The following DENND5B variants were observed in gnomAD, a reference collection of about 807,000 sequenced individuals.
The protein encoded by DENND5B is DENN domain-containing protein 5B.
A neutral mutation model predicts 140.6 loss-of-function variants in DENND5B; 34 were observed. The ratio of observed to expected loss-of-function variants is 0.24; its 90% CI spans 0.18 to 0.32. The LOEUF (loss-of-function observed/expected upper bound fraction) is 0.32, where lower values mean the gene tolerates loss of function less well. Among genes scored for constraint, DENND5B ranks in the 10% least tolerant of loss-of-function variants. DENND5B has a pLI of 1.00. For missense variants in DENND5B, 1,142 were observed against 1,560.2 expected, an observed-to-expected ratio of 0.73 and a Z score of 4.52; for synonymous variants, 551 against 562.1, an observed-to-expected ratio of 0.98 and a Z score of 0.28.
intron 7 of DENND5B, among the ~76,000 whole-genome samples, chr12:31,434,228 A>C (rs1943641385): frequency 6.6e-6 from 1 of 151,988 alleles, no homozygotes; most frequent in South Asian, 2.1e-4. Context: ...GGCCTATAAA[A>C]CTCTTAAATA....
intron 1 of DENND5B, among the ~76,000 whole-genome samples, chr12:31,501,773 CA>C (rs10645598): frequency 6.3e-4 from 75 of 119,096 alleles, no homozygotes; most frequent in Non-Finnish European, 6.7e-4. Context: ...AACTCCATCT[CA>C]AAAAAAAAAA....
chr12:31,545,950 C>CAAAAAAAAAAAAAAAAA (rs57460264), intron 1 of DENND5B, among the ~76,000 whole-genome samples: 403 of 36,352 alleles, frequency 0.011, 47 homozygotes, highest in Non-Finnish European at 0.014. Context: ...GACACTGTCT[C>CAAAAAAAAAAAAAAAAA]AAAAAAAAAA....
chr12:31,550,941 C>T (rs1688023354), intron 1 of DENND5B, among the ~76,000 whole-genome samples: 1 of 152,012 alleles, frequency 6.6e-6, no homozygotes, highest in African/African-American at 2.4e-5. Context: ...TGTTTGAGTT[C>T]ATTGTAGATT....
chr12:31,482,569 T>C lies in DENND5B; in HGVS notation c.238-2314A>G, dbSNP rs144957571. Among the ~76,000 whole-genome samples, 193 of 152,276 alleles carry C rather than the reference T, an allele frequency of 1.3e-3. 2 individuals carry two copies. Among genetic ancestry groups the C allele is most frequent in the African/African-American group, 4.1e-3 (171 of 41,564 alleles). On this transcript the variant is annotated intron_variant, in intron 2 of 20. Transcript: ENST00000389082. Reference sequence around the variant, plus strand: ...AAAAATACATGCAGAAACTAATTGCTGTTGCTTCTTTTTTTTTTTCTTTTT... The same window carrying C: ...AAAAATACATGCAGAAACTAATTGCCGTTGCTTCTTTTTTTTTTTCTTTTT...
rs1943153126 is a variant in DENND5B at position 31,424,530 on chromosome 12, GT to G, written c.2391+4del. On this transcript the variant is annotated splice_donor_region_variant and intron_variant, in intron 10 of 20. Coordinates refer to ENST00000389082, the MANE Select transcript of DENND5B (RefSeq NM_144973.4). ...CATGTCACCAGGACCTCCTAAAACT[GT>G]TACCTGCTTGACCTGCAAGCCATGG... The G allele has an allele frequency of 6.2e-7, 1 of 1,612,002 alleles. No individual in the cohort carries two copies. The highest frequency in any genetic ancestry group is 1.7e-5 in the Admixed American group (1 of 59,636).
chr12:31,463,943 C>T (rs1359009144), intron 3 of DENND5B, among the ~76,000 whole-genome samples: 1 of 152,200 alleles, frequency 6.6e-6, no homozygotes, highest in South Asian at 2.1e-4. Context: ...GCTAAGATTA[C>T]AGGCGTGAGC....
chr12:31,464,991 G>A (rs1490343462), intron 3 of DENND5B: 1 of 151,954 alleles, frequency 6.6e-6, no homozygotes, highest in African/African-American at 2.4e-5. Flanking sequence ...TGAAATAAAA[G>A]TAGACATTAA....
intron 1 of DENND5B, among the ~76,000 whole-genome samples, chr12:31,566,082 T>G (rs1209737156): frequency 6.6e-6 from 1 of 152,098 alleles, no homozygotes; most frequent in African/African-American, 2.4e-5. Context: ...AAGGTGGAGA[T>G]GGCAGTGAGC....
intron 1 of DENND5B, among the ~76,000 whole-genome samples, chr12:31,529,701 A>AAAAT (rs918067396): frequency 2.0e-5 from 3 of 151,866 alleles, no homozygotes; most frequent in Non-Finnish European, 4.4e-5. Context: ...ACCCAGTCTC[A>AAAAT]AAATAAATAA....
At chr12:31,566,198 T>C (rs1949622906) in intron 1 of DENND5B, among the ~76,000 whole-genome samples, 1 of 152,102 alleles carries the variant, frequency 6.6e-6, no homozygotes, top group African/African-American at 2.4e-5. Flanking sequence ...TGCACACCTG[T>C]AGTTCCAGCA....
At position 31,470,594 on chromosome 12, in the gene DENND5B, G is replaced by A. The variant is rs866671258; in HGVS notation, c.904+8995C>T. Among the ~76,000 whole-genome samples, 4 of 152,254 alleles carry A rather than the reference G, an allele frequency of 2.6e-5. No homozygotes were observed. In the South Asian group the frequency reaches 8.3e-4, roughly 32 times the overall value. On this transcript the variant is annotated intron_variant, in intron 3 of 20. Transcript: ENST00000389082. ...ATTAACCAGCCTCAGGTATTTTACA[G>A]TAACACAAATAAACCAAGACACCTG... is the stretch of plus-strand genomic sequence containing the variant.
intron 6 of DENND5B, among the ~76,000 whole-genome samples, chr12:31,445,945 G>A (rs377639665): frequency 3.3e-5 from 5 of 151,280 alleles, no homozygotes; most frequent in African/African-American, 1.2e-4. Context: ...GGAAGTTGAG[G>A]CTGCAGTGAG....
At chr12:31,584,740 T>C (rs1480397926) in intron 1 of DENND5B, among the ~76,000 whole-genome samples, 2 of 152,078 alleles carry the variant, frequency 1.3e-5, no homozygotes, top group Non-Finnish European at 2.9e-5. Context: ...GGTGAAGGAC[T>C]GCTTGAGCCC....
At chr12:31,566,146 C>CA (rs928639294) in intron 1 of DENND5B, among the ~76,000 whole-genome samples, 5 of 151,320 alleles carry the variant, frequency 3.3e-5, no homozygotes, top group Non-Finnish European at 7.4e-5. Flanking sequence ...ACTCTTGTCT[C>CA]AAAAAAAATT....
chr12:31,403,061 T>A (rs989064870), intron 14 of DENND5B, among the ~76,000 whole-genome samples: 7 of 152,190 alleles, frequency 4.6e-5, no homozygotes, highest in African/African-American at 7.2e-5. Context: ...TGGTTTTATA[T>A]AAAAAGAGGG....
chr12:31,455,302 C>T (rs1944718744), intron 4 of DENND5B, among the ~76,000 whole-genome samples: 1 of 152,086 alleles, frequency 6.6e-6, no homozygotes, highest in African/African-American at 2.4e-5. Context: ...AATTTTAAAG[C>T]TTATTATGGT....
intron 14 of DENND5B, among the ~76,000 whole-genome samples, chr12:31,403,095 T>C (rs950012642): frequency 6.6e-6 from 1 of 152,222 alleles, no homozygotes; most frequent in Admixed American, 6.5e-5. Context: ...TGGACAGTAT[T>C]GAGTTTCTTG....
chr12:31,452,152 G>C lies in DENND5B; in HGVS notation c.1417C>G (p.Leu473Val). The change falls in exon 5 of 21, where the codon CTC (leucine) becomes GTC (valine). Residue 473 changes from leucine to valine, a missense_variant. Leu to Val is a conservative substitution (Grantham distance 32). Around this residue, in one of 5 missense-constraint regions of DENND5B, gnomAD observed 708 missense variants for 905.5 expected, o/e 0.78. Transcript: ENST00000389082. ...RTGVAVEKMD[L>V]SASLGEKDKD... ...TCTTTTTCACCCAGAGAAGCAGAGAGGTCCATTTTTTCCACAGCCACACCA... is the reference window on the plus strand; with the variant it reads ...TCTTTTTCACCCAGAGAAGCAGAGACGTCCATTTTTTCCACAGCCACACCA... 6.2e-7 allele frequency: 1 copy of C among 1,613,962 alleles called. No homozygotes were observed. The highest frequency in any genetic ancestry group is 1.1e-5 in the South Asian group (1 of 91,076).
chr12:31,473,257 G>A (rs767262016), intron 3 of DENND5B, among the ~76,000 whole-genome samples: 48 of 152,150 alleles, frequency 3.2e-4, no homozygotes, highest in Non-Finnish European at 5.6e-4. Flanking sequence ...CAGCCTTAAC[G>A]CAGGCTACAA....
Sources: allele counts gnomAD v4.1 joint callset (sites outside exome capture counted in the v4.1 genomes callset), GRCh38; gene constraint gnomAD v4.1.1; regional missense constraint gnomAD v4.1.1; transcripts MANE v1.5; gene names NCBI Gene and HGNC (gene_info 2026-07-23, HGNC 2026-07-21).